Variants in FBXL4 observed in about 807,000 individuals in gnomAD.
FBXL4 encodes F-box and leucine rich repeat protein 4, also known as F-box/LRR-repeat protein 4.
FBXL4 carries 40 observed loss-of-function variants against 58.9 expected under a neutral mutation model. The ratio of observed to expected loss-of-function variants is 0.68; its 90% CI spans 0.53 to 0.88. FBXL4 has a LOEUF of 0.88. Ranked by LOEUF, FBXL4 falls within the 40% of genes least tolerant of loss-of-function variation. The pLI, the probability that FBXL4 is intolerant of heterozygous loss-of-function variation, is 0.00. For missense variants in FBXL4, 676 were observed against 734.4 expected (o/e 0.92, Z 0.92); for synonymous variants, 263 against 265.5 (o/e 0.99, Z 0.09).
At chr6:98,945,485 AGGTTACTG>A (rs1773587472) in intron 1 of FBXL4, among the ~76,000 whole-genome samples, 1 of 152,210 alleles carries the variant, frequency 6.6e-6, no homozygotes, top group Admixed American at 6.5e-5. Flanking sequence ...TTATGGAACA[AGGTTACTG>A]GGTAGGTGGG....
chr6:98,906,463 T>C (rs1238497440), intron 5 of FBXL4, among the ~76,000 whole-genome samples: 1 of 152,042 alleles, frequency 6.6e-6, no homozygotes, highest in Non-Finnish European at 1.5e-5. Flanking sequence ...AGAATGATGG[T>C]TTCCAGCTTC....
At chr6:98,936,141 C>T (rs1377437863) in intron 1 of FBXL4, among the ~76,000 whole-genome samples, 2 of 152,088 alleles carry the variant, frequency 1.3e-5, no homozygotes, top group Non-Finnish European at 2.9e-5. Context: ...GCTAAAATAG[C>T]AACTAATTAA....
chr6:98,877,075 A>T lies in FBXL4; in HGVS notation c.1390-1348T>A, dbSNP rs928064452. ...AGGACAGATGACAGGGACTTGGATT[A>T]AGGTGGCAATGATGGAATGAAGAAA... On this transcript the variant is annotated intron_variant, in intron 8 of 9. Coordinates refer to ENST00000369244, the MANE Select transcript of FBXL4 (RefSeq NM_001278716.2). Among the ~76,000 whole-genome samples, 5 of 152,254 alleles carry T rather than the reference A, an allele frequency of 3.3e-5. 1 individual carries two copies. The highest frequency in any genetic ancestry group is 3.3e-4 in the Admixed American group (5 of 15,294).
chr6:98,940,190 CT>C (rs887610928), intron 1 of FBXL4, among the ~76,000 whole-genome samples: 24 of 151,770 alleles, frequency 1.6e-4, no homozygotes, highest in African/African-American at 5.6e-4. Flanking sequence ...TGTGAAATAC[CT>C]TTTTTTGATA....
chr6:98,928,345 C>T (rs79853935), intron 2 of FBXL4, among the ~76,000 whole-genome samples: 27 of 144,676 alleles, frequency 1.9e-4, no homozygotes, highest in African/African-American at 3.8e-4. Flanking sequence ...TTTTTTTTTT[C>T]GAGACAGGGT....
intron 6 of FBXL4, among the ~76,000 whole-genome samples, chr6:98,902,177 G>T (rs942571034): frequency 6.6e-6 from 1 of 152,058 alleles, no homozygotes; most frequent in African/African-American, 2.4e-5. Flanking sequence ...GTATAAAAGA[G>T]AAGAATTAGA....
intron 4 of FBXL4, among the ~76,000 whole-genome samples, chr6:98,926,219 C>T (rs988241476): frequency 6.6e-6 from 1 of 152,046 alleles, no homozygotes; most frequent in African/African-American, 2.4e-5. Context: ...TCAAATTGTG[C>T]TTTTTGGTTT....
At chr6:98,923,273 T>A (rs1403063861) in intron 4 of FBXL4, among the ~76,000 whole-genome samples, 4 of 152,040 alleles carry the variant, frequency 2.6e-5, no homozygotes, top group African/African-American at 9.7e-5. Context: ...TCTCCTAGAG[T>A]ATCTTCATAA....
intron 1 of FBXL4, among the ~76,000 whole-genome samples, chr6:98,943,748 A>G (rs180732715): frequency 1.5e-3 from 222 of 152,284 alleles, no homozygotes; most frequent in Non-Finnish European, 2.5e-3. Context: ...ACATATGGAC[A>G]AAAAAGACCT....
At chr6:98,898,319 C>T in intron 7 of FBXL4, 1 of 985,386 alleles carries the variant, frequency 1.0e-6, no homozygotes, top group East Asian at 1.1e-4. Flanking sequence ...ACAGTATGTA[C>T]TACAGGGGCC....
At chr6:98,881,918 A>G (rs1362189496) in intron 7 of FBXL4, among the ~76,000 whole-genome samples, 1 of 152,070 alleles carries the variant, frequency 6.6e-6, no homozygotes, top group Non-Finnish European at 1.5e-5. Flanking sequence ...AGACAGGAAC[A>G]TAACATTAGG....
At chr6:98,924,543 T>C (rs997955749) in intron 4 of FBXL4, among the ~76,000 whole-genome samples, 4 of 151,998 alleles carry the variant, frequency 2.6e-5, no homozygotes, top group Admixed American at 6.6e-5. Flanking sequence ...GGCGACAGAG[T>C]GAGACCCTGT....
chr6:98,896,182 A>C (rs1159789085), intron 7 of FBXL4, among the ~76,000 whole-genome samples: 2 of 152,182 alleles, frequency 1.3e-5, no homozygotes, highest in African/African-American at 4.8e-5. Flanking sequence ...GATTTTGTGG[A>C]ACATTTAAAG....
At position 98,934,812 on chromosome 6, in the gene FBXL4, A is replaced by T. The variant is rs1773144065; in HGVS notation, c.-241T>A. ...ACTGGAGACTCCTATCCAGCTTCAA[A>T]GCTTCTTGAAAATCCAAGCGAATGA... On this transcript the variant is annotated 5_prime_UTR_variant, in exon 2 of 10. Coordinates refer to ENST00000369244, the MANE Select transcript of FBXL4 (RefSeq NM_001278716.2). The T allele has an allele frequency of 6.6e-6, 1 of 152,208 alleles. No individual in the cohort carries two copies. The highest frequency in any genetic ancestry group is 2.4e-5 in the African/African-American group (1 of 41,446). 9.4% of individuals were successfully genotyped at this position (152,208 alleles called of 1,614,324 possible).
chr6:98,874,133 T>A lies in FBXL4; in HGVS notation c.*145A>T. The A allele has an allele frequency of 1.7e-6, 1 of 578,884 alleles. No homozygotes were observed. The highest frequency in any genetic ancestry group is 2.8e-6 in the Non-Finnish European group (1 of 356,598). 35.9% of individuals were successfully genotyped at this position (578,884 alleles called of 1,614,324 possible). On this transcript the variant is annotated 3_prime_UTR_variant, in exon 10 of 10. Transcript: ENST00000369244. ...AACATTTGTGCACATTTTTACTTGA[T>A]TTAATGGACAATTTCATATTTTTCT...
chr6:98,913,703 A>G (rs1027661899), intron 5 of FBXL4, among the ~76,000 whole-genome samples: 3 of 152,240 alleles, frequency 2.0e-5, no homozygotes, highest in African/African-American at 7.2e-5. Context: ...CATGCCCACA[A>G]GAGAAAGCAG....
At chr6:98,946,039 C>G (rs1419392140) in intron 1 of FBXL4, among the ~76,000 whole-genome samples, 2 of 152,070 alleles carry the variant, frequency 1.3e-5, no homozygotes, top group Admixed American at 1.3e-4. Context: ...TCAACTTGCC[C>G]CCACTAAATG....
chr6:98,943,428 C>T (rs1364928736), intron 1 of FBXL4, among the ~76,000 whole-genome samples: 1 of 151,536 alleles, frequency 6.6e-6, no homozygotes, highest in Non-Finnish European at 1.5e-5. Context: ...CAAAAATTAG[C>T]CAGGTATTGT....
rs559880592 is a variant in FBXL4 at position 98,915,348 on chromosome 6, G to A, written c.858+2026C>T. On this transcript the variant is annotated intron_variant, in intron 5 of 9. Transcript: ENST00000369244. ...AAAGTTCATATGGAAACAAAAAAGA[G>A]CCCACATCACCAAGTCAATCCTAAG... Among the ~76,000 whole-genome samples the A allele has an allele frequency of 4.8e-3, 725 of 152,254 alleles. 5 individuals carry two copies. Among genetic ancestry groups the A allele is most frequent in the African/African-American group, 0.017 (698 of 41,556 alleles).
Sources: allele counts gnomAD v4.1 joint callset (sites outside exome capture counted in the v4.1 genomes callset), GRCh38; gene constraint gnomAD v4.1.1; transcripts MANE v1.5; gene names NCBI Gene and HGNC (gene_info 2026-07-23, HGNC 2026-07-21).